Variants in KCNQ1 observed in about 807,000 individuals in gnomAD.
KCNQ1 encodes potassium voltage-gated channel subfamily Q member 1.
Under a neutral mutation model 72.4 loss-of-function variants are expected in KCNQ1, and 49 were observed. The observed-to-expected ratio is 0.68, with a 90% CI of 0.54 to 0.86. The LOEUF is 0.86. Ranked by LOEUF, KCNQ1 falls within the 40% of genes least tolerant of loss-of-function variation. KCNQ1 has a pLI of 0.00. For missense variants in KCNQ1, 790 were observed against 945.1 expected (o/e 0.84, Z 2.15); for synonymous variants, 450 against 412.6 (o/e 1.09, Z -1.10).
At position 2,815,230 on chromosome 11, in the gene KCNQ1, C is replaced by T. The variant is rs997655104; in HGVS notation, c.1795-32537C>T. Among the ~76,000 whole-genome samples the T allele has an allele frequency of 5.3e-5, 8 of 152,286 alleles. No individual in the cohort carries two copies. The highest frequency in any genetic ancestry group is 1.7e-4 in the African/African-American group (7 of 41,558). On this transcript the variant is annotated intron_variant, in intron 15 of 15. Transcript: ENST00000155840. The surrounding 1 kb of genome is among the most constrained non-coding windows in gnomAD (Gnocchi z 5.4). ...AGCTTGAACCTGGGCAGCCTTTATTCTCTAGGGGCCTTGGGGGTGTCTAGG... is the reference window on the plus strand; with the variant it reads ...AGCTTGAACCTGGGCAGCCTTTATTTTCTAGGGGCCTTGGGGGTGTCTAGG...
In KCNQ1 at chr11:2,676,741, C is replaced by T. The variant is rs868455121; in HGVS notation, c.1514+14660C>T. On this transcript the variant is annotated intron_variant, in intron 11 of 15. Coordinates refer to ENST00000155840, the MANE Select transcript of KCNQ1 (RefSeq NM_000218.3). This position sits in a 1 kb window ranked among gnomAD's most constrained non-coding sequence, Gnocchi z 4.2. ...GTCATATGCATAGTGGCTTTGGGTA[C>T]GATGGTCTGCTGTATGAAGCAACCC... 1.1e-4 allele frequency: 44 copies of T among 398,442 alleles called. No homozygotes were observed. Among genetic ancestry groups the T allele is most frequent in the East Asian group, 3.6e-4 (10 of 28,080 alleles). 24.7% of individuals were successfully genotyped at this position (398,442 alleles called of 1,614,324 possible).
rs149629141 is a variant in KCNQ1 at position 2,512,334 on chromosome 11, G to A, written c.387-15594G>A. On this transcript the variant is annotated intron_variant, in intron 1 of 15. Coordinates refer to ENST00000155840, the MANE Select transcript of KCNQ1 (RefSeq NM_000218.3). The stretch of plus-strand genomic sequence containing the variant: ...CCCCGTCGATGCCTGGGGCCACTGG[G>A]ATTGGCAGAAAAGGGATGCCCCCGA... Among the ~76,000 whole-genome samples the A allele has an allele frequency of 8.1e-3, 1,239 of 152,256 alleles. 11 individuals carry two copies. Among genetic ancestry groups the A allele is most frequent in the Middle Eastern group, 0.014 (4 of 294 alleles).
rs1590014311 is a variant in KCNQ1, at chr11:2,661,350, A to G, written c.1394-611A>G. 2.5e-6 allele frequency: 1 copy of G among 405,232 alleles called. No individual in the cohort carries two copies. The highest frequency in any genetic ancestry group is 3.5e-5 in the East Asian group (1 of 28,348). The allele number at this position is 405,232 out of a possible 1,614,324, so 25.1% of individuals were successfully genotyped here. A position where few individuals can be genotyped will look rare whatever the true frequency, so the allele number is the denominator to read the frequency against. ...TCAGTATCCTGAGCTCCTGTGTCAA[A>G]GTTGCAGAGGTGGGCCCAGGAATCA... is the stretch of plus-strand genomic sequence containing the variant. On this transcript the variant is annotated intron_variant, in intron 10 of 15. Transcript: ENST00000155840. The surrounding 1 kb of genome is among the most constrained non-coding windows in gnomAD (Gnocchi z 5.9).
chr11:2,572,591 G>T (rs1220775620), intron 5 of KCNQ1, among the ~76,000 whole-genome samples: 1 of 152,224 alleles, frequency 6.6e-6, no homozygotes, highest in East Asian at 1.9e-4. Flanking sequence ...TGGGCAATCA[G>T]TGGAGCCCGC....
chr11:2,805,158 G>A (rs1311139072), intron 15 of KCNQ1, among the ~76,000 whole-genome samples: 1 of 152,206 alleles, frequency 6.6e-6, no homozygotes, highest in African/African-American at 2.4e-5. Flanking sequence ...ATGAGGCTGA[G>A]AGCCGGAAGC....
At position 2,458,471 on chromosome 11, in the gene KCNQ1, C is replaced by T. The variant is rs778024584; in HGVS notation, c.386+12987C>T. The stretch of plus-strand genomic sequence containing the variant: ...GGGTTGCGTCCTTCTTTGGGACTCC[C>T]GCAGATGCCTGAGGCGGCAGTGCTG... On this transcript the variant is annotated intron_variant, in intron 1 of 15. Coordinates refer to ENST00000155840, the MANE Select transcript of KCNQ1 (RefSeq NM_000218.3). This position sits in a 1 kb window ranked among gnomAD's most constrained non-coding sequence, Gnocchi z 4.6. Among the ~76,000 whole-genome samples, 8 of 152,330 alleles carry T rather than the reference C, an allele frequency of 5.3e-5. No homozygotes were observed. The South Asian group carries it at 6.2e-4, about 12-fold the overall frequency.
At chr11:2,685,546 G>A (rs1316545059) in intron 11 of KCNQ1, 1 of 398,734 alleles carries the variant, frequency 2.5e-6, no homozygotes, top group Non-Finnish European at 4.4e-6. Flanking sequence ...GGGAGGATCT[G>A]CAGATGACTA....
chr11:2,716,799 T>A (rs1445433016), intron 11 of KCNQ1, among the ~76,000 whole-genome samples: 1 of 152,178 alleles, frequency 6.6e-6, no homozygotes, highest in Non-Finnish European at 1.5e-5. Context: ...GTGTTCTGGA[T>A]CCAAAGCAAC....
At chr11:2,527,022 G>T (rs1847521936) in intron 1 of KCNQ1, among the ~76,000 whole-genome samples, 1 of 152,178 alleles carries the variant, frequency 6.6e-6, no homozygotes, top group Non-Finnish European at 1.5e-5. Flanking sequence ...CCTAGAGGCG[G>T]GAGGAAGGCC....
At chr11:2,763,291 C>T (rs993750225) in intron 11 of KCNQ1, among the ~76,000 whole-genome samples, 3 of 151,610 alleles carry the variant, frequency 2.0e-5, no homozygotes, top group African/African-American at 4.8e-5. Context: ...GAGCTGGGTA[C>T]GATGGCTCAC....
At chr11:2,641,520 G>A (rs1480833800) in intron 10 of KCNQ1, 1 of 398,120 alleles carries the variant, frequency 2.5e-6, no homozygotes, top group Non-Finnish European at 4.4e-6. Flanking sequence ...GGAGTTCCTA[G>A]TATATTCTGG....
Position 2,541,606 on chromosome 11 carries a change from G to T in KCNQ1, c.477+13588G>T, listed in dbSNP as rs1847824739. 6.6e-6 allele frequency among the ~76,000 whole-genome samples: 1 copy of T among 152,052 alleles called. No homozygotes were observed. The highest frequency in any genetic ancestry group is 1.5e-5 in the Non-Finnish European group (1 of 68,014). On this transcript the variant is annotated intron_variant, in intron 2 of 15. Transcript: ENST00000155840. The surrounding 1 kb of genome is among the most constrained non-coding windows in gnomAD (Gnocchi z 4.8). ...GACGCCGTTTTCGGGATGCTTGTGA[G>T]CAGGGCTTTGTCCCCACCGTTAGGA...
Position 2,446,326 on chromosome 11 carries a change from TG to T in KCNQ1, c.386+844del, listed in dbSNP as rs1186890169. On this transcript the variant is annotated intron_variant, in intron 1 of 15. Coordinates refer to ENST00000155840, the MANE Select transcript of KCNQ1 (RefSeq NM_000218.3). The surrounding 1 kb of genome is among the most constrained non-coding windows in gnomAD (Gnocchi z 8.8). Reference sequence around the variant, plus strand: ...CCGCTGCCCCAGTGGCCCTACTTCCTGGCTGCCCAGCCAGCGGCCTTTTGGT... The same window carrying T: ...CCGCTGCCCCAGTGGCCCTACTTCCTGCTGCCCAGCCAGCGGCCTTTTGGT... Among the ~76,000 whole-genome samples, 1 of 152,158 alleles carries T rather than the reference TG, an allele frequency of 6.6e-6. No individual in the cohort carries two copies. The highest frequency in any genetic ancestry group is 1.9e-4 in the East Asian group (1 of 5,184).
chr11:2,721,106 G>A (rs555627826), intron 11 of KCNQ1, among the ~76,000 whole-genome samples: 2 of 152,294 alleles, frequency 1.3e-5, no homozygotes, highest in South Asian at 4.1e-4. Context: ...GAGGGGATTG[G>A]TGGGGGCCTG....
At chr11:2,847,622 C>A in intron 15 of KCNQ1, 145 bp from the exon 16 acceptor site, 1 of 728,318 alleles carries the variant, frequency 1.4e-6, no homozygotes, top group South Asian at 1.7e-5. Context: ...ATAGGGTGCA[C>A]ACGTGCGTGC....
In KCNQ1 at chr11:2,620,543, G is replaced by A; in HGVS notation, c.1393+31689G>A. 2.5e-6 allele frequency: 1 copy of A among 395,378 alleles called. No individual in the cohort carries two copies. The highest frequency in any genetic ancestry group is 4.5e-6 in the Non-Finnish European group (1 of 224,588). The allele number at this position is 395,378 out of a possible 1,614,324, so 24.5% of individuals were successfully genotyped here. A position where few individuals can be genotyped will look rare whatever the true frequency, so the allele number is the denominator to read the frequency against. ...ATTCATTCATTTTTATGGCTGCATA[G>A]TATTCCATGGTGTACATGTACCACA... On this transcript the variant is annotated intron_variant, in intron 10 of 15. Transcript: ENST00000155840. This position sits in a 1 kb window ranked among gnomAD's most constrained non-coding sequence, Gnocchi z 4.5.
intron 1 of KCNQ1, among the ~76,000 whole-genome samples, chr11:2,502,833 G>C (rs965273106): frequency 6.6e-6 from 1 of 152,082 alleles, no homozygotes; most frequent in African/African-American, 2.4e-5. Context: ...CATAAAAACA[G>C]ACACGTAGAC....
chr11:2,775,303 G>C (rs1164128246), intron 12 of KCNQ1, among the ~76,000 whole-genome samples: 1 of 152,210 alleles, frequency 6.6e-6, no homozygotes, highest in African/African-American at 2.4e-5. Context: ...GCTTAGAGCT[G>C]GCAACAAGCC....
rs75724877 is a variant in KCNQ1 at position 2,515,987 on chromosome 11, C to T, written c.387-11941C>T. Among the ~76,000 whole-genome samples, 1,229 of 152,064 alleles carry T rather than the reference C, an allele frequency of 8.1e-3. 13 individuals carry two copies. Among genetic ancestry groups the T allele is most frequent in the East Asian group, 0.059 (301 of 5,132 alleles). ...CAGTGACAGCCCAGACCCCAGGGGCCGGGCATCCCACAGCTCTCCTCACTG... is the reference window on the plus strand; with the variant it reads ...CAGTGACAGCCCAGACCCCAGGGGCTGGGCATCCCACAGCTCTCCTCACTG... On this transcript the variant is annotated intron_variant, in intron 1 of 15. Transcript: ENST00000155840. The surrounding 1 kb of genome is among the most constrained non-coding windows in gnomAD (Gnocchi z 4.7).
Sources: gnomAD v4.1 joint callset for allele counts (sites outside exome capture counted in the v4.1 genomes callset) on GRCh38, gnomAD v4.1.1 for gene constraint, Gnocchi (gnomAD v3.1) non-coding constraint, MANE v1.5 for transcripts, NCBI Gene and HGNC (gene_info 2026-07-23, HGNC 2026-07-21) for gene names.